The following RSPRY1 variants were observed in gnomAD, a reference collection of about 807,000 sequenced individuals.
RSPRY1 encodes the protein RING finger and SPRY domain-containing protein 1.
A neutral mutation model predicts 73.1 loss-of-function variants in RSPRY1; 23 were observed. The ratio of observed to expected loss-of-function variants is 0.31; its 90% CI spans 0.23 to 0.45. The LOEUF (loss-of-function observed/expected upper bound fraction) is 0.45, where lower values mean the gene tolerates loss of function less well. RSPRY1 is among the 20% of genes least tolerant of loss of function. RSPRY1 has a pLI of 1.00. For synonymous variants in RSPRY1, 226 were observed against 251.4 expected (o/e 0.90, Z 0.95); for missense variants, 448 against 698.7 (o/e 0.64, Z 4.05).
chr16:57,201,517 G>T (rs1310989122), intron 1 of RSPRY1, among the ~76,000 whole-genome samples: 1 of 152,116 alleles, frequency 6.6e-6, no homozygotes, highest in Non-Finnish European at 1.5e-5. Flanking sequence ...CAGACGATGG[G>T]CGGCCAGGCA....
intron 11 of RSPRY1, among the ~76,000 whole-genome samples, chr16:57,229,422 CTGGGCAACATAA>C (rs1343792820): frequency 1.3e-5 from 2 of 151,948 alleles, no homozygotes; most frequent in Non-Finnish European, 2.9e-5. Context: ...TGAGATTAGC[CTGGGCAACATAA>C]TGAGACCCCC....
At chr16:57,216,413 G>A in intron 7 of RSPRY1, 1 of 473,618 alleles carries the variant, frequency 2.1e-6, no homozygotes, top group South Asian at 3.2e-5. Flanking sequence ...CAAAAATTTA[G>A]TGATGTGATT....
chr16:57,203,205 A>G (rs1376895084), intron 1 of RSPRY1, among the ~76,000 whole-genome samples: 1 of 152,098 alleles, frequency 6.6e-6, no homozygotes, highest in Non-Finnish European at 1.5e-5. Flanking sequence ...CTGAGGTAGG[A>G]GAATTGCTTG....
At chr16:57,214,433 C>G (rs893555678) in intron 6 of RSPRY1, among the ~76,000 whole-genome samples, 7 of 152,192 alleles carry the variant, frequency 4.6e-5, no homozygotes, top group South Asian at 4.1e-4. Flanking sequence ...GCTGTGCCCT[C>G]AGATCTCTCA....
At chr16:57,208,975 A>G in intron 3 of RSPRY1, 100 bp from the exon 4 acceptor site, 1 of 777,630 alleles carries the variant, frequency 1.3e-6, no homozygotes, top group Non-Finnish European at 2.1e-6. Context: ...AAATCTATAG[A>G]CCAAAAGTCT....
At chr16:57,215,960 A>G in intron 6 of RSPRY1, 147 bp from the exon 7 acceptor site, 1 of 626,356 alleles carries the variant, frequency 1.6e-6, no homozygotes, top group Non-Finnish European at 2.8e-6. Context: ...AGCCAAATGG[A>G]TAATTGAGAA....
At position 57,186,402 on chromosome 16, in the gene RSPRY1, GCGC is replaced by G. The variant is rs769459201; in HGVS notation, c.-191_-189del. 5.0e-5 allele frequency: 8 copies of G among 159,874 alleles called. No individual in the cohort carries two copies. Among genetic ancestry groups the G allele is most frequent in the Non-Finnish European group, 8.1e-5 (6 of 73,760 alleles). 9.9% of individuals were successfully genotyped at this position (159,874 alleles called of 1,614,324 possible). On this transcript the variant is annotated 5_prime_UTR_variant, in exon 1 of 15. Transcript: ENST00000394420. ...CTCTCGGACCTGTCACAAAGGAGTC[GCGC>G]CGCCGCCGCCGCCCCCTCCCTCCGG...
chr16:57,188,271 G>A (rs1214226297), intron 1 of RSPRY1, among the ~76,000 whole-genome samples: 5 of 151,916 alleles, frequency 3.3e-5, no homozygotes, highest in African/African-American at 1.2e-4. Context: ...TTGTGTCCCT[G>A]TATGACATTT....
intron 1 of RSPRY1, among the ~76,000 whole-genome samples, chr16:57,188,562 G>T (rs1442337129): frequency 6.6e-6 from 1 of 152,136 alleles, no homozygotes; most frequent in Admixed American, 6.5e-5. Context: ...TGTTGCCCAG[G>T]CTGGAGTGCA....
chr16:57,190,677 G>T (rs1327149278), intron 1 of RSPRY1, among the ~76,000 whole-genome samples: 1 of 152,174 alleles, frequency 6.6e-6, no homozygotes, highest in Non-Finnish European at 1.5e-5. Context: ...CCTTTTGGAG[G>T]GGACTTTTAC....
At chr16:57,232,053 A>G (rs1395629262) in intron 13 of RSPRY1, among the ~76,000 whole-genome samples, 1 of 152,204 alleles carries the variant, frequency 6.6e-6, no homozygotes, top group African/African-American at 2.4e-5. Flanking sequence ...ATCATTTTAA[A>G]CAGAGCAGCT....
In RSPRY1 at chr16:57,209,124, G is replaced by A; in HGVS notation, c.453G>A (p.Leu151=). The A allele has an allele frequency of 6.2e-7, 1 of 1,613,426 alleles. No individual in the cohort carries two copies. The highest frequency in any genetic ancestry group is 8.5e-7 in the Non-Finnish European group (1 of 1,179,634). The change falls in exon 4 of 15, where the codon CTG becomes CTA. Residue 151 remains leucine (L), a synonymous_variant. Coordinates refer to ENST00000394420, the MANE Select transcript of RSPRY1 (RefSeq NM_133368.3). ...VVQSLIRVIP[L]EDPLGPAVIT... ...AGTCTTTAATTAGAGTTATTCCACT[G>A]GAAGATCCACTGGGACCAGCTGTTA...
At chr16:57,222,394 T>TA (rs1364551443) in intron 10 of RSPRY1, among the ~76,000 whole-genome samples, 1 of 152,222 alleles carries the variant, frequency 6.6e-6, no homozygotes, top group East Asian at 1.9e-4. Context: ...GTGACCTACT[T>TA]ATAAGCATAA....
chr16:57,199,585 C>T (rs1372459364), intron 1 of RSPRY1, among the ~76,000 whole-genome samples: 7 of 152,192 alleles, frequency 4.6e-5, no homozygotes, highest in African/African-American at 1.7e-4. Context: ...CTGGGAAAGG[C>T]ATGGGCTAGG....
At chr16:57,226,009 CA>C (rs1195074285) in intron 10 of RSPRY1, among the ~76,000 whole-genome samples, 2 of 152,092 alleles carry the variant, frequency 1.3e-5, no homozygotes, top group Non-Finnish European at 2.9e-5. Flanking sequence ...ACCCGGGAGG[CA>C]GAGGTTGTGG....
At chr16:57,197,687 CTTCG>C (rs2074475573) in intron 1 of RSPRY1, among the ~76,000 whole-genome samples, 1 of 152,018 alleles carries the variant, frequency 6.6e-6, no homozygotes, top group South Asian at 2.1e-4. Context: ...GTCTTCTTAC[CTTCG>C]TATTTAGTCA....
chr16:57,238,470 A>G (rs1445101573), intron 14 of RSPRY1, among the ~76,000 whole-genome samples: 1 of 152,234 alleles, frequency 6.6e-6, no homozygotes, highest in Non-Finnish European at 1.5e-5. Flanking sequence ...AAAAGCCCAG[A>G]AATAGAACTA....
At chr16:57,227,157 ATCTATTCACTTGGAAC>A (rs1346825761) in intron 10 of RSPRY1, among the ~76,000 whole-genome samples, 169 bp from the exon 11 acceptor site, 9 of 152,356 alleles carry the variant, frequency 5.9e-5, no homozygotes, top group African/African-American at 2.2e-4. Flanking sequence ...TGAAGTCATT[ATCTATTCACTTGGAAC>A]CAGCCCTCTA....
intron 4 of RSPRY1, among the ~76,000 whole-genome samples, chr16:57,212,678 G>A (rs1273056120): frequency 4.6e-5 from 7 of 152,008 alleles, no homozygotes; most frequent in East Asian, 1.9e-4. Flanking sequence ...GCAGTGGCAC[G>A]ATCTCGGCTC....
Sources: gnomAD v4.1 joint callset for allele counts (sites outside exome capture counted in the v4.1 genomes callset) on GRCh38, gnomAD v4.1.1 for gene constraint, MANE v1.5 for transcripts, NCBI Gene and HGNC (gene_info 2026-07-23, HGNC 2026-07-21) for gene names.